ZNF592: variants seen among roughly 807,000 people sequenced by gnomAD.
The protein encoded by ZNF592 is spinocerebellar ataxia, autosomal recessive 5.
A neutral mutation model predicts 80.3 loss-of-function variants in ZNF592; 11 were observed. The observed-to-expected ratio is 0.14, with a 90% confidence interval of 0.09 to 0.23. ZNF592 has a LOEUF of 0.23. ZNF592 is among the 10% of genes least tolerant of loss of function. ZNF592 has a pLI of 1.00. For synonymous variants in ZNF592, 646 were observed against 640.3 expected, an observed-to-expected ratio of 1.01 and a Z score of -0.13; for missense variants, 1,420 against 1,633.9, an observed-to-expected ratio of 0.87 and a Z score of 2.26.
At chr15:84,797,125 A>G (rs1268470640) in intron 5 of ZNF592, among the ~76,000 whole-genome samples, 1 of 151,902 alleles carries the variant, frequency 6.6e-6, no homozygotes, top group East Asian at 1.9e-4. Flanking sequence ...CATGCCCACT[A>G]ATTTTTGTAT....
intron 3 of ZNF592, among the ~76,000 whole-genome samples, chr15:84,779,535 A>G (rs1177131375): frequency 1.3e-5 from 2 of 152,148 alleles, no homozygotes; most frequent in African/African-American, 4.8e-5. Context: ...CTTTTTAAAA[A>G]TAGAGAGAGT....
chr15:84,754,222 C>G (rs1394624344), intron 1 of ZNF592, among the ~76,000 whole-genome samples: 1 of 152,202 alleles, frequency 6.6e-6, no homozygotes, highest in Non-Finnish European at 1.5e-5. Flanking sequence ...GGTTAAGTTC[C>G]TTACCTTTTC....
Position 84,783,562 on chromosome 15 carries a change from T to G in ZNF592, c.887T>G (p.Val296Gly), listed in dbSNP as rs1962488012. 1 of 1,613,834 alleles carries G rather than the reference T, an allele frequency of 6.2e-7. No homozygotes were observed. Among genetic ancestry groups the G allele is most frequent in the African/African-American group, 1.3e-5 (1 of 74,864 alleles). The change falls in exon 4 of 11, where the codon GTG becomes GGG. Residue 296 changes from valine to glycine, a missense_variant. Val to Gly is a moderately radical substitution (Grantham distance 109). Transcript: ENST00000560079. The surrounding 1 kb of genome is among the most constrained non-coding windows in gnomAD (Gnocchi z 5.0). ...AALVALQAKR[V>G]ASVTKEDQPG... ...TTGGTGGCCTTGCAGGCCAAAAGAG[T>G]GGCTAGTGTCACTAAGGAGGATCAG... is the stretch of plus-strand genomic sequence containing the variant.
rs932545662 is a variant in ZNF592, at chr15:84,799,713, C to T, written c.3138-129C>T. On this transcript the variant is annotated intron_variant, in intron 9 of 10. Transcript: ENST00000560079. This position sits in a 1 kb window ranked among gnomAD's most constrained non-coding sequence, Gnocchi z 4.2. ...TGGCTGGCCTGCTGGCTGGATCTCT[C>T]TGGGGTTCCCAGCACTAGCCAGCCC... is the stretch of plus-strand genomic sequence containing the variant. 3.5e-6 allele frequency: 5 copies of T among 1,430,418 alleles called. No homozygotes were observed. Among genetic ancestry groups the T allele is most frequent in the African/African-American group, 1.4e-5 (1 of 71,492 alleles). 88.6% of individuals were successfully genotyped at this position (1,430,418 alleles called of 1,614,324 possible).
Position 84,798,162 on chromosome 15 carries a change from G to A in ZNF592, c.2576+117G>A. On this transcript the variant is annotated intron_variant, in intron 6 of 10. Coordinates refer to ENST00000560079, the MANE Select transcript of ZNF592 (RefSeq NM_014630.3). This position sits in a 1 kb window ranked among gnomAD's most constrained non-coding sequence, Gnocchi z 4.5. ...TGGGGTTAGTGGCAGAGGTGCCTGG[G>A]GTCGTACTAAGGATGTCCTGAGGCA... 6.4e-7 allele frequency: 1 copy of A among 1,563,466 alleles called. No individual in the cohort carries two copies. Among genetic ancestry groups the A allele is most frequent in the Non-Finnish European group, 8.7e-7 (1 of 1,146,990 alleles).
At chr15:84,761,164 C>T (rs1899339233) in intron 1 of ZNF592, among the ~76,000 whole-genome samples, 2 of 152,020 alleles carry the variant, frequency 1.3e-5, no homozygotes, top group Admixed American at 1.3e-4. Flanking sequence ...TGGGGTTTCG[C>T]CATGTTGGCC....
chr15:84,755,296 T>A (rs1042800628), intron 1 of ZNF592, among the ~76,000 whole-genome samples: 30 of 152,058 alleles, frequency 2.0e-4, no homozygotes, highest in Middle Eastern at 6.8e-3. Flanking sequence ...AAGTTTTTTT[T>A]AATTTTTTTT....
intron 1 of ZNF592, among the ~76,000 whole-genome samples, chr15:84,750,566 G>A (rs1319429618): frequency 6.6e-6 from 1 of 152,154 alleles, no homozygotes; most frequent in African/African-American, 2.4e-5. Flanking sequence ...TATATTATAC[G>A]GTGGCCTGGG....
Position 84,783,869 on chromosome 15 carries a change from T to C in ZNF592, c.1194T>C (p.Pro398=). 6.2e-7 allele frequency: 1 copy of C among 1,614,190 alleles called. No individual in the cohort carries two copies. Among genetic ancestry groups the C allele is most frequent in the Non-Finnish European group, 8.5e-7 (1 of 1,180,026 alleles). Residue 398 remains proline, a synonymous_variant, in exon 4 of 11, where the codon CCT becomes CCC. Transcript: ENST00000560079. This position sits in a 1 kb window ranked among gnomAD's most constrained non-coding sequence, Gnocchi z 5.0. The stretch of plus-strand genomic sequence containing the variant: ...CTGTCACAAGGATCCTGCCAGATCC[T>C]GATGATCCAAGTAAGTCCCCTGTTG... ...KRTVTRILPD[P]DDPSKSPVGS...
chr15:84,755,718 T>C (rs1409022964), intron 1 of ZNF592, among the ~76,000 whole-genome samples: 2 of 152,260 alleles, frequency 1.3e-5, no homozygotes, highest in Non-Finnish European at 2.9e-5. Context: ...AATTTCATTT[T>C]GGAGACAAAC....
chr15:84,800,369 T>C (rs1963056285), intron 10 of ZNF592, among the ~76,000 whole-genome samples: 1 of 152,130 alleles, frequency 6.6e-6, no homozygotes, highest in African/African-American at 2.4e-5. Flanking sequence ...CCCCCCAACC[T>C]TCTCACTAGT....
intron 4 of ZNF592, among the ~76,000 whole-genome samples, chr15:84,789,027 A>G (rs1396554295): frequency 6.6e-6 from 1 of 151,672 alleles, no homozygotes; most frequent in African/African-American, 2.4e-5. Context: ...CCTGGCCATC[A>G]TGGTGAAACC....
chr15:84,753,033 A>G (rs1899056699), intron 1 of ZNF592: 1 of 152,220 alleles, frequency 6.6e-6, no homozygotes, highest in African/African-American at 2.4e-5. Context: ...GGCTCCATGA[A>G]AACGAACCCT....
chr15:84,784,692 G>A lies in ZNF592; in HGVS notation c.2017G>A (p.Ala673Thr). Residue 673 changes from alanine (A) to threonine (T), a missense_variant, in exon 4 of 11, where the codon GCA (alanine) becomes ACA (threonine). This residue lies in a region of ZNF592 where 524 missense variants were observed against 628.3 expected (regional missense o/e 0.83). Coordinates refer to ENST00000560079, the MANE Select transcript of ZNF592 (RefSeq NM_014630.3). The surrounding 1 kb of genome is among the most constrained non-coding windows in gnomAD (Gnocchi z 5.8). ...VSAPVNSTAP[A>T]APAPSSSPKH... ...GGCCCCTGTGAACTCCACGGCACCA[G>A]CAGCCCCAGCCCCTTCATCCTCTCC... 6.2e-7 allele frequency: 1 copy of A among 1,614,072 alleles called. No individual in the cohort carries two copies. The highest frequency in any genetic ancestry group is 8.5e-7 in the Non-Finnish European group (1 of 1,180,032).
rs557548515 is a variant in ZNF592 at position 84,788,970 on chromosome 15, G to A, written c.2221-1735G>A. On this transcript the variant is annotated intron_variant, in intron 4 of 10. Coordinates refer to ENST00000560079, the MANE Select transcript of ZNF592 (RefSeq NM_014630.3). ...TCACACCTGTAAGCCCAGCACTTTG[G>A]GTGGCTAAGGTGGGTGGATCATTTG... Among the ~76,000 whole-genome samples, 3 of 152,038 alleles carry A rather than the reference G, an allele frequency of 2.0e-5. No individual in the cohort carries two copies. In the South Asian group the frequency reaches 6.2e-4, roughly 32 times the overall value.
chr15:84,801,817 G>A (rs1326680177), intron 10 of ZNF592, 46 bp from the exon 11 acceptor site: 1 of 1,613,894 alleles, frequency 6.2e-7, no homozygotes, highest in South Asian at 1.1e-5. Flanking sequence ...AGGGGCTCAT[G>A]TCCAGGGCTT....
intron 1 of ZNF592, among the ~76,000 whole-genome samples, chr15:84,756,652 G>C (rs564914092): frequency 7.9e-5 from 12 of 152,258 alleles, no homozygotes; most frequent in African/African-American, 2.9e-4. Flanking sequence ...CCCCAGACTT[G>C]AACTTAACTG....
intron 1 of ZNF592, among the ~76,000 whole-genome samples, chr15:84,764,435 C>CTAG (rs1310489817): frequency 1.3e-5 from 2 of 152,156 alleles, no homozygotes; most frequent in Non-Finnish European, 2.9e-5. Flanking sequence ...GGTCTCAAGG[C>CTAG]TAGTAAGTAG....
chr15:84,785,044 TG>T, intron 4 of ZNF592, 149 bp downstream of exon 4: 1 of 1,017,702 alleles, frequency 9.8e-7, no homozygotes, highest in East Asian at 2.6e-5. Context: ...ATTTAGTGTT[TG>T]GTGTTTGTTG....
Sources: allele counts gnomAD v4.1 joint callset (sites outside exome capture counted in the v4.1 genomes callset), GRCh38; gene constraint gnomAD v4.1.1; regional missense constraint gnomAD v4.1.1; non-coding constraint Gnocchi (gnomAD v3.1); transcripts MANE v1.5; gene names NCBI Gene and HGNC (gene_info 2026-07-23, HGNC 2026-07-21).